The following TTC28 variants were observed in gnomAD, a reference collection of about 807,000 sequenced individuals.
TTC28 encodes the protein tetratricopeptide repeat domain 28.
In TTC28, 61 loss-of-function variants were observed where a neutral mutation model predicts 198.0. That is an observed-to-expected ratio of 0.31 (90% confidence interval 0.25 to 0.38). TTC28 has a LOEUF of 0.38. TTC28 is among the 10% of genes least tolerant of loss of function. The probability of loss-of-function intolerance (pLI) is 1.00; values close to 1 mark genes in which losing one functional copy is unlikely to be tolerated. For synonymous variants in TTC28, 1,171 were observed against 1,297.8 expected, an observed-to-expected ratio of 0.90 and a Z score of 2.10; for missense variants, 2,678 against 3,164.0, an observed-to-expected ratio of 0.85 and a Z score of 3.69.
intron 12 of TTC28, among the ~76,000 whole-genome samples, chr22:28,084,966 G>A (rs1260821886): frequency 6.6e-6 from 1 of 152,020 alleles, no homozygotes. Context: ...AGAGAAAAAA[G>A]AATAAAAAGA....
intron 6 of TTC28, among the ~76,000 whole-genome samples, chr22:28,111,472 CT>C (rs1942480234): frequency 6.6e-6 from 1 of 152,186 alleles, no homozygotes; most frequent in African/African-American, 2.4e-5. Flanking sequence ...TCCTAAACCA[CT>C]TTTATCTAAA....
chr22:28,187,839 G>A lies in TTC28; in HGVS notation c.934-24240C>T, dbSNP rs140594604. On this transcript the variant is annotated intron_variant, in intron 5 of 22. Coordinates refer to ENST00000397906, the MANE Select transcript of TTC28 (RefSeq NM_001145418.2). ...CTGCATAACAATGCCCACTGGGAAT[G>A]CTAAGTAACTGGCACATACTGTGAA... is the stretch of plus-strand genomic sequence containing the variant. Among the ~76,000 whole-genome samples, 15 of 152,328 alleles carry A rather than the reference G, an allele frequency of 9.8e-5. No homozygotes were observed. The East Asian group carries it at 1.9e-3, about 20-fold the overall frequency.
At chr22:28,044,965 G>A (rs763216709) in intron 12 of TTC28, among the ~76,000 whole-genome samples, 76 of 152,076 alleles carry the variant, frequency 5.0e-4, no homozygotes, top group Non-Finnish European at 1.5e-4. Context: ...TTTCACTTCC[G>A]TTAGCTCAAT....
intron 2 of TTC28, among the ~76,000 whole-genome samples, chr22:28,550,708 TA>T: frequency 6.6e-6 from 1 of 152,262 alleles, no homozygotes; most frequent in East Asian, 1.9e-4. Context: ...TTTAATAGAC[TA>T]GCACTGCAGC....
intron 12 of TTC28, among the ~76,000 whole-genome samples, chr22:28,060,457 T>C (rs1420132802): frequency 2.0e-5 from 3 of 152,222 alleles, no homozygotes; most frequent in Non-Finnish European, 2.9e-5. Flanking sequence ...TAGTATTCCA[T>C]GGTGTATATG....
intron 5 of TTC28, among the ~76,000 whole-genome samples, chr22:28,274,916 T>G (rs1932314519): frequency 7.0e-6 from 1 of 142,738 alleles, no homozygotes; most frequent in Admixed American, 7.5e-5. Context: ...AAGGTGGAGG[T>G]TGCAGTGAGC....
intron 12 of TTC28, among the ~76,000 whole-genome samples, chr22:28,062,768 T>C (rs1940603362): frequency 6.6e-6 from 1 of 152,214 alleles, no homozygotes; most frequent in Admixed American, 6.5e-5. Flanking sequence ...TTGTGTTCTT[T>C]TTTATAGTTT....
chr22:28,470,297 A>T (rs1568964568), intron 2 of TTC28, among the ~76,000 whole-genome samples: 3 of 152,136 alleles, frequency 2.0e-5, no homozygotes, highest in African/African-American at 7.2e-5. Flanking sequence ...TTTCTATTTC[A>T]TTCTTTCACG....
intron 2 of TTC28, among the ~76,000 whole-genome samples, chr22:28,475,149 C>CAAAAA (rs386395148): frequency 1.9e-3 from 123 of 64,882 alleles, no homozygotes; most frequent in African/African-American, 2.0e-3. Context: ...GACTCCATCT[C>CAAAAA]AAAAAAAAAA....
At chr22:28,191,707 G>C (rs1386144109) in intron 5 of TTC28, among the ~76,000 whole-genome samples, 3 of 152,188 alleles carry the variant, frequency 2.0e-5, no homozygotes, top group Non-Finnish European at 4.4e-5. Context: ...GCAGCAGTCT[G>C]AGATCAAATT....
At chr22:28,387,430 C>T (rs1351298685) in intron 2 of TTC28, among the ~76,000 whole-genome samples, 1 of 152,208 alleles carries the variant, frequency 6.6e-6, no homozygotes, top group South Asian at 2.1e-4. Context: ...CTGACTTCCA[C>T]AATGGTTGAA....
At chr22:28,404,854 T>C (rs1170771957) in intron 2 of TTC28, among the ~76,000 whole-genome samples, 1 of 152,060 alleles carries the variant, frequency 6.6e-6, no homozygotes, top group African/African-American at 2.4e-5. Flanking sequence ...CAGCAGAAAA[T>C]TGTTTTGAGT....
rs1451356179 is a variant in TTC28 at position 27,999,082 on chromosome 22, C to T, written c.4577G>A (p.Ser1526Asn). 2 of 1,550,652 alleles carry T rather than the reference C, an allele frequency of 1.3e-6. No homozygotes were observed. Among genetic ancestry groups the T allele is most frequent in the Admixed American group, 2.0e-5 (1 of 51,016 alleles). ...ELLGCQPLVG[S>N]VATKERVMSA... is the part of the protein sequence containing the mutation. ...CATGACCCTCTCCTTGGTGGCCACACTGCCCACTAGGGGCTGGCAGCCCAG... is the reference window on the plus strand; with the variant it reads ...CATGACCCTCTCCTTGGTGGCCACATTGCCCACTAGGGGCTGGCAGCCCAG... Residue 1526 changes from serine (S) to asparagine (N), a missense_variant, in exon 16 of 23, where the codon AGT becomes AAT. Physicochemically the swap from Ser to Asn is conservative, Grantham distance 46. This residue lies in a region of TTC28 where 727 missense variants were observed against 861.9 expected (regional missense o/e 0.84). Transcript: ENST00000397906.
chr22:28,243,037 TA>T (rs199565183), intron 5 of TTC28, among the ~76,000 whole-genome samples: 2,685 of 132,422 alleles, frequency 0.02, 85 homozygotes, highest in African/African-American at 0.067. Flanking sequence ...ATCTAATAAT[TA>T]AAAAAAAAAA....
chr22:28,317,563 T>G (rs560321316), intron 2 of TTC28, among the ~76,000 whole-genome samples: 5 of 152,158 alleles, frequency 3.3e-5, no homozygotes, highest in Admixed American at 3.3e-4. Flanking sequence ...AACTGGAGAG[T>G]AGCCTATCCT....
intron 6 of TTC28, among the ~76,000 whole-genome samples, chr22:28,137,627 A>G (rs1038439191): frequency 6.6e-6 from 1 of 152,064 alleles, no homozygotes; most frequent in African/African-American, 2.4e-5. Flanking sequence ...GAATAATCCA[A>G]CAGGAAAAGT....
intron 2 of TTC28, among the ~76,000 whole-genome samples, chr22:28,467,415 C>A (rs984450476): frequency 2.0e-5 from 3 of 152,096 alleles, no homozygotes; most frequent in African/African-American, 7.2e-5. Flanking sequence ...CAAAATGAGA[C>A]CCTGTCTCAA....
intron 3 of TTC28, among the ~76,000 whole-genome samples, chr22:28,303,565 A>T (rs536142404): frequency 6.6e-6 from 1 of 152,352 alleles, no homozygotes; most frequent in Non-Finnish European, 1.5e-5. Context: ...ATCAATGTGG[A>T]CAAATATAAC....
intron 2 of TTC28, among the ~76,000 whole-genome samples, chr22:28,481,749 T>C (rs1355639523): frequency 6.6e-6 from 1 of 152,168 alleles, no homozygotes; most frequent in Non-Finnish European, 1.5e-5. Flanking sequence ...TCCTCCTTCA[T>C]TCCTCTAGGA....
Sources: allele counts gnomAD v4.1 joint callset (sites outside exome capture counted in the v4.1 genomes callset), GRCh38; gene constraint gnomAD v4.1.1; regional missense constraint gnomAD v4.1.1; transcripts MANE v1.5; gene names NCBI Gene and HGNC (gene_info 2026-07-23, HGNC 2026-07-21).